The following MARCHF1 variants were observed in gnomAD, a reference collection of about 807,000 sequenced individuals.
MARCHF1 encodes the protein membrane associated ring-CH-type finger 1, also known as E3 ubiquitin-protein ligase MARCHF1.
A neutral mutation model predicts 54.2 loss-of-function variants in MARCHF1; 40 were observed. The observed-to-expected ratio is 0.74, with a 90% CI of 0.57 to 0.96. The LOEUF (loss-of-function observed/expected upper bound fraction) is 0.96. Among genes scored for constraint, MARCHF1 ranks in the 40% least tolerant of loss-of-function variants. MARCHF1 has a pLI of 0.00. For synonymous variants in MARCHF1, 236 were observed against 236.3 expected (o/e 1.00, Z 0.01); for missense variants, 586 against 656.5 (o/e 0.89, Z 1.17).
chr4:163,832,833 T>C (rs1037856709), intron 4 of MARCHF1, among the ~76,000 whole-genome samples: 1 of 59,270 alleles, frequency 1.7e-5, no homozygotes, highest in Non-Finnish European at 6.0e-5. Flanking sequence ...AGTGAGAACA[T>C]GCGGTGTTTG....
chr4:164,333,567 A>G (rs1385935822), intron 1 of MARCHF1, among the ~76,000 whole-genome samples: 1 of 152,208 alleles, frequency 6.6e-6, no homozygotes, highest in Admixed American at 6.5e-5. Context: ...GAACTTAATC[A>G]ATGAAGGACA....
chr4:163,699,804 G>A (rs939850517), intron 5 of MARCHF1, among the ~76,000 whole-genome samples: 44 of 152,152 alleles, frequency 2.9e-4, no homozygotes, highest in African/African-American at 9.4e-4. Flanking sequence ...CACTTCCCAA[G>A]CACCAGGTGT....
chr4:164,295,867 T>C (rs1386688746), intron 1 of MARCHF1, among the ~76,000 whole-genome samples: 4 of 152,088 alleles, frequency 2.6e-5, no homozygotes, highest in Non-Finnish European at 5.9e-5. Context: ...GTGGTTATAC[T>C]TGAGAGTTAG....
At chr4:163,547,971 T>C (rs1738966627) in intron 8 of MARCHF1, among the ~76,000 whole-genome samples, 1 of 152,202 alleles carries the variant, frequency 6.6e-6, no homozygotes. Flanking sequence ...TAAATATTAA[T>C]AATGTGATTA....
intron 2 of MARCHF1, among the ~76,000 whole-genome samples, chr4:164,059,767 T>G (rs1349877247): frequency 1.3e-5 from 2 of 152,144 alleles, no homozygotes; most frequent in African/African-American, 4.8e-5. Flanking sequence ...AAGCACACAA[T>G]TTTTCATCTG....
At chr4:164,296,439 C>A (rs972966958) in intron 1 of MARCHF1, among the ~76,000 whole-genome samples, 1 of 152,202 alleles carries the variant, frequency 6.6e-6, no homozygotes, top group African/African-American at 2.4e-5. Context: ...GTGGCATGAT[C>A]TTGACTCACT....
At chr4:164,205,374 G>C (rs542118620) in intron 1 of MARCHF1, among the ~76,000 whole-genome samples, 1 of 152,166 alleles carries the variant, frequency 6.6e-6, no homozygotes, top group East Asian at 1.9e-4. Flanking sequence ...CTAAAATAAG[G>C]CTTATGTAGG....
intron 1 of MARCHF1, among the ~76,000 whole-genome samples, chr4:164,171,930 T>C (rs903724808): frequency 2.0e-5 from 3 of 152,240 alleles, no homozygotes; most frequent in African/African-American, 7.2e-5. Flanking sequence ...ACCAAGTTTA[T>C]TCCATTCTGT....
chr4:164,135,951 A>C (rs552343277), intron 1 of MARCHF1, among the ~76,000 whole-genome samples: 1 of 152,338 alleles, frequency 6.6e-6, no homozygotes, highest in East Asian at 1.9e-4. Flanking sequence ...TTTTATACTT[A>C]AGCCCTAGAA....
intron 2 of MARCHF1, among the ~76,000 whole-genome samples, chr4:164,019,540 C>A (rs937334986): frequency 2.6e-5 from 4 of 152,162 alleles, no homozygotes; most frequent in Non-Finnish European, 5.9e-5. Flanking sequence ...AAAGTAGCAT[C>A]ACAATTTTCA....
Position 163,636,116 on chromosome 4 carries a change from T to C in MARCHF1, c.163-22723A>G, listed in dbSNP as rs193131806. Reference sequence around the variant, plus strand: ...ATTTCAAAACAATAAGAGCTATCTATGACAAACCCACAGCCAATATCATAC... The same window carrying C: ...ATTTCAAAACAATAAGAGCTATCTACGACAAACCCACAGCCAATATCATAC... On this transcript the variant is annotated intron_variant, in intron 5 of 9. Coordinates refer to ENST00000514618, the MANE Select transcript of MARCHF1 (RefSeq NM_001394959.1). Among the ~76,000 whole-genome samples the C allele has an allele frequency of 2.5e-3, 382 of 152,270 alleles. 1 individual carries two copies. Among genetic ancestry groups the C allele is most frequent in the African/African-American group, 8.7e-3 (363 of 41,534 alleles).
chr4:163,954,351 T>C (rs758123841), intron 3 of MARCHF1, among the ~76,000 whole-genome samples: 6 of 152,138 alleles, frequency 3.9e-5, no homozygotes, highest in Non-Finnish European at 8.8e-5. Context: ...TGTCTAAAAC[T>C]TTCTTGGATG....
intron 4 of MARCHF1, among the ~76,000 whole-genome samples, chr4:163,786,882 T>C (rs1451435201): frequency 6.6e-6 from 1 of 152,050 alleles, no homozygotes; most frequent in East Asian, 1.9e-4. Flanking sequence ...CTGGCATAAA[T>C]GCAGATATAT....
intron 1 of MARCHF1, among the ~76,000 whole-genome samples, chr4:164,364,262 G>A (rs1454137643): frequency 2.6e-5 from 4 of 152,052 alleles, no homozygotes; most frequent in African/African-American, 9.7e-5. Context: ...TTATGTGCAA[G>A]TTCATATAGT....
intron 3 of MARCHF1, among the ~76,000 whole-genome samples, chr4:163,961,002 G>A (rs1264145199): frequency 6.6e-6 from 1 of 151,752 alleles, no homozygotes; most frequent in Non-Finnish European, 1.5e-5. Flanking sequence ...CATGTGGAGA[G>A]TTCCCTGATG....
At chr4:164,379,281 T>C (rs956718585) in intron 1 of MARCHF1, among the ~76,000 whole-genome samples, 1 of 152,006 alleles carries the variant, frequency 6.6e-6, no homozygotes, top group African/African-American at 2.4e-5. Context: ...TGTAGAAGGT[T>C]AGTAAACTGA....
intron 1 of MARCHF1, among the ~76,000 whole-genome samples, chr4:164,285,218 T>C (rs1008443711): frequency 6.6e-6 from 1 of 152,030 alleles, no homozygotes; most frequent in Non-Finnish European, 1.5e-5. Context: ...AGACTAAAAA[T>C]TAAATTACAA....
chr4:164,226,907 A>G lies in MARCHF1; in HGVS notation c.-322-115245T>C, dbSNP rs117249004. 9.4e-3 allele frequency among the ~76,000 whole-genome samples: 1,438 copies of G among 152,224 alleles called. 44 individuals are homozygous for G. Among genetic ancestry groups the G allele is most frequent in the East Asian group, 0.04 (205 of 5,170 alleles). On this transcript the variant is annotated intron_variant, in intron 1 of 9. Transcript: ENST00000514618. Reference sequence around the variant, plus strand: ...ATACCAAAATGCAGGTTTTATTGCAATACCATGTCCCCCAATTATTGGTGG... The same window carrying G: ...ATACCAAAATGCAGGTTTTATTGCAGTACCATGTCCCCCAATTATTGGTGG...
chr4:164,306,083 T>C (rs1397458805), intron 1 of MARCHF1, among the ~76,000 whole-genome samples: 1 of 152,122 alleles, frequency 6.6e-6, no homozygotes, highest in African/African-American at 2.4e-5. Context: ...TGAAATTATA[T>C]TGTCTTTATA....
Sources: gnomAD v4.1 joint callset for allele counts (sites outside exome capture counted in the v4.1 genomes callset) on GRCh38, gnomAD v4.1.1 for gene constraint, MANE v1.5 for transcripts, NCBI Gene and HGNC (gene_info 2026-07-23, HGNC 2026-07-21) for gene names.